ROBO2: variants seen among roughly 807,000 people sequenced by gnomAD.
ROBO2 encodes the protein roundabout guidance receptor 2.
Under a neutral mutation model 160.8 loss-of-function variants are expected in ROBO2, and 53 were observed. The observed-to-expected ratio is 0.33, with a 90% CI of 0.26 to 0.41. The LOEUF (loss-of-function observed/expected upper bound fraction) is 0.41. Among genes scored for constraint, ROBO2 ranks in the 10% least tolerant of loss-of-function variants. ROBO2 has a pLI of 1.00. For synonymous variants in ROBO2, 664 were observed against 611.7 expected, an observed-to-expected ratio of 1.09 and a Z score of -1.26; for missense variants, 1,577 against 1,722.4, an observed-to-expected ratio of 0.92 and a Z score of 1.49.
At chr3:76,080,843 A>G (rs1051481008) in intron 2 of ROBO2, among the ~76,000 whole-genome samples, 1 of 152,186 alleles carries the variant, frequency 6.6e-6, no homozygotes, top group African/African-American at 2.4e-5. Context: ...CGGTACTGCA[A>G]TTACCATATT....
chr3:76,937,170 G>A (rs1577636875), intron 2 of ROBO2, among the ~76,000 whole-genome samples: 1 of 152,168 alleles, frequency 6.6e-6, no homozygotes, highest in African/African-American at 2.4e-5. Flanking sequence ...GTAAAACTTA[G>A]TGGCATCTAA....
chr3:77,040,219 C>T, exon 1 of ROBO2: 1 of 986,652 alleles, frequency 1.0e-6, no homozygotes, highest in Non-Finnish European at 1.2e-6. Context: ...AGTCTGCCCG[C>T]CTGCAAAGTG....
At chr3:76,683,913 G>A (rs1219618572) in intron 2 of ROBO2, among the ~76,000 whole-genome samples, 2 of 151,930 alleles carry the variant, frequency 1.3e-5, no homozygotes, top group Non-Finnish European at 2.9e-5. Context: ...GAAATAAAAA[G>A]TTTATATTTT....
At chr3:76,518,338 T>C (rs1419470469) in intron 2 of ROBO2, among the ~76,000 whole-genome samples, 1 of 152,240 alleles carries the variant, frequency 6.6e-6, no homozygotes, top group East Asian at 1.9e-4. Flanking sequence ...ACATAGTAGG[T>C]ATGATGTTTT....
intron 2 of ROBO2, among the ~76,000 whole-genome samples, chr3:76,081,182 A>G (rs2068816290): frequency 6.6e-6 from 1 of 151,826 alleles, no homozygotes; most frequent in African/African-American, 2.4e-5. Flanking sequence ...TATATATTCT[A>G]TTCCATGTAC....
chr3:76,710,367 C>T (rs1254680641), intron 2 of ROBO2, among the ~76,000 whole-genome samples: 1 of 152,162 alleles, frequency 6.6e-6, no homozygotes, highest in Non-Finnish European at 1.5e-5. Context: ...GATCCTCCTG[C>T]CTTGGCCTCC....
At chr3:77,031,873 C>T (rs1247891421) in intron 2 of ROBO2, among the ~76,000 whole-genome samples, 2 of 151,924 alleles carry the variant, frequency 1.3e-5, no homozygotes, top group East Asian at 3.9e-4. Context: ...TTATAAACAA[C>T]AGCAGTTTAT....
intron 2 of ROBO2, among the ~76,000 whole-genome samples, chr3:76,993,691 G>A (rs1265381026): frequency 2.6e-5 from 4 of 152,070 alleles, no homozygotes; most frequent in East Asian, 3.9e-4. Context: ...TACTTTGATG[G>A]GAAGGGGTCC....
chr3:76,200,893 G>A lies in ROBO2; in HGVS notation c.109+263291G>A, dbSNP rs547380560. On this transcript the variant is annotated intron_variant, in intron 2 of 26. Coordinates refer to the ROBO2 transcript ENST00000487694. ...TAGATTTGGACCCCTTACAAAACTA[G>A]CATGTGGGTTCTTGAGTTATTAATT... 7.9e-5 allele frequency among the ~76,000 whole-genome samples: 12 copies of A among 152,274 alleles called. 2 individuals are homozygous for A. In the South Asian group the frequency reaches 2.1e-3, roughly 26 times the overall value.
At chr3:77,332,413 G>GT (rs771971954) in intron 2 of ROBO2, among the ~76,000 whole-genome samples, 17 of 152,158 alleles carry the variant, frequency 1.1e-4, no homozygotes, top group Non-Finnish European at 2.2e-4. Flanking sequence ...TACAGAGGTA[G>GT]TATTATGGGG....
At chr3:76,564,320 C>A (rs1349198346) in intron 2 of ROBO2, among the ~76,000 whole-genome samples, 2 of 151,872 alleles carry the variant, frequency 1.3e-5, no homozygotes, top group South Asian at 2.1e-4. Flanking sequence ...GAAGAAATAT[C>A]ATAAATGCTT....
intron 2 of ROBO2, among the ~76,000 whole-genome samples, chr3:76,513,845 G>C (rs1337784361): frequency 6.6e-6 from 1 of 152,066 alleles, no homozygotes; most frequent in Non-Finnish European, 1.5e-5. Context: ...GTGAAACGAT[G>C]AGCAAATGTC....
intron 2 of ROBO2, among the ~76,000 whole-genome samples, chr3:77,113,395 A>C (rs935171720): frequency 2.6e-5 from 4 of 152,202 alleles, no homozygotes; most frequent in African/African-American, 9.6e-5. Context: ...CAACTTGTGA[A>C]ATCCTTCCTA....
intron 2 of ROBO2, among the ~76,000 whole-genome samples, chr3:76,244,473 G>A (rs1174633677): frequency 6.6e-6 from 1 of 152,136 alleles, no homozygotes; most frequent in African/African-American, 2.4e-5. Flanking sequence ...TATGTGGATG[G>A]CAATGGAGAA....
intron 2 of ROBO2, among the ~76,000 whole-genome samples, chr3:77,299,961 A>G (rs1580858200): frequency 1.3e-5 from 2 of 152,074 alleles, no homozygotes; most frequent in South Asian, 4.1e-4. Context: ...ATGGGATTCA[A>G]ATGTTTCCGT....
chr3:77,044,922 C>G (rs1384444339), intron 1 of ROBO2, among the ~76,000 whole-genome samples: 3 of 152,150 alleles, frequency 2.0e-5, no homozygotes, highest in Non-Finnish European at 4.4e-5. Flanking sequence ...CAACCTAAAT[C>G]AATACATTGG....
In ROBO2 at chr3:77,114,608, A is replaced by G. The variant is rs1224721951; in HGVS notation, c.388+16268A>G. ...GTAATTAAGTCATTTTTCTTTTCCA[A>G]TCAGCCATTCAGGTCTAAGGCAAAT... On this transcript the variant is annotated intron_variant, in intron 2 of 25. Transcript: ENST00000461745. Among the ~76,000 whole-genome samples, 3 of 152,106 alleles carry G rather than the reference A, an allele frequency of 2.0e-5. No homozygotes were observed. The South Asian group carries it at 6.2e-4, about 32-fold the overall frequency.
intron 2 of ROBO2, among the ~76,000 whole-genome samples, chr3:75,996,140 G>A (rs534538033): frequency 6.6e-6 from 1 of 152,298 alleles, no homozygotes. Context: ...GTTTTGAAAT[G>A]TGAGGACATC....
At chr3:76,814,877 G>T (rs1245894179) in intron 2 of ROBO2, among the ~76,000 whole-genome samples, 2 of 151,942 alleles carry the variant, frequency 1.3e-5, no homozygotes, top group Non-Finnish European at 2.9e-5. Flanking sequence ...TTCTCAGCCA[G>T]GCCAGTATGT....
Sources: gnomAD v4.1 joint callset for allele counts (sites outside exome capture counted in the v4.1 genomes callset) on GRCh38, gnomAD v4.1.1 for gene constraint, MANE v1.5 for transcripts, NCBI Gene and HGNC (gene_info 2026-07-23, HGNC 2026-07-21) for gene names.